GRIN2A: variants seen among roughly 807,000 people sequenced by gnomAD.
GRIN2A encodes the protein glutamate ionotropic receptor NMDA type subunit 2A.
Under a neutral mutation model 113.4 loss-of-function variants are expected in GRIN2A, and 22 were observed. That is an observed-to-expected ratio of 0.19 (90% confidence interval 0.14 to 0.28). GRIN2A has a LOEUF of 0.28. Among genes scored for constraint, GRIN2A ranks in the 10% least tolerant of loss-of-function variants. The probability of loss-of-function intolerance (pLI) is 1.00; values close to 1 mark genes in which losing one functional copy is unlikely to be tolerated. For missense variants in GRIN2A, 1,502 were observed against 1,887.0 expected (o/e 0.80, Z 3.78); for synonymous variants, 827 against 738.4 (o/e 1.12, Z -1.94).
At chr16:9,958,410 C>A (rs754846478) in intron 2 of GRIN2A, among the ~76,000 whole-genome samples, 1 of 152,026 alleles carries the variant, frequency 6.6e-6, no homozygotes, top group African/African-American at 2.4e-5. Context: ...TCATGCCCAT[C>A]AATGACCACA....
At chr16:10,100,350 A>G (rs11074573) in intron 2 of GRIN2A, among the ~76,000 whole-genome samples, 61,035 of 152,108 alleles carry the variant, frequency 0.4, 12,384 homozygotes, top group East Asian at 0.45. Flanking sequence ...ATGCTTGTGC[A>G]AAGGAGAGTA....
At chr16:10,110,320 T>C (rs74495883) in intron 2 of GRIN2A, among the ~76,000 whole-genome samples, 29,588 of 152,090 alleles carry the variant, frequency 0.19, 3,550 homozygotes, top group East Asian at 0.44. Flanking sequence ...GACTGGAGAA[T>C]AGACAAGGCT....
chr16:10,013,397 A>G (rs146604366), intron 2 of GRIN2A, among the ~76,000 whole-genome samples: 18 of 152,292 alleles, frequency 1.2e-4, no homozygotes, highest in African/African-American at 4.1e-4. Context: ...CATCATCCCA[A>G]TAAGTGAGAG....
At chr16:10,168,380 G>T (rs2049967307) in intron 2 of GRIN2A, among the ~76,000 whole-genome samples, 1 of 152,188 alleles carries the variant, frequency 6.6e-6, no homozygotes, top group Non-Finnish European at 1.5e-5. Flanking sequence ...AAAAAGTGAG[G>T]ATGTTGGTTT....
chr16:9,851,959 C>T (rs1453101092), intron 4 of GRIN2A, among the ~76,000 whole-genome samples: 2 of 152,192 alleles, frequency 1.3e-5, no homozygotes, highest in African/African-American at 2.4e-5. Context: ...TGTCACCTTA[C>T]CTGTAAAATC....
At position 9,761,051 on chromosome 16, in the gene GRIN2A, C is replaced by G; in HGVS notation, c.*2098G>C. ...AATGTCATTTTCAAGCACATGCATC[C>G]CCAGCACCTAGTCAGCCCCTTCTGC... On this transcript the variant is annotated 3_prime_UTR_variant, in exon 13 of 13. Coordinates refer to ENST00000330684, the MANE Select transcript of GRIN2A (RefSeq NM_001134407.3). The G allele has an allele frequency of 4.3e-6, 1 of 232,918 alleles. No individual in the cohort carries two copies. The highest frequency in any genetic ancestry group is 2.2e-5 in the African/African-American group (1 of 45,394). 14.4% of individuals were successfully genotyped at this position (232,918 alleles called of 1,614,324 possible).
intron 2 of GRIN2A, among the ~76,000 whole-genome samples, chr16:10,058,906 T>C (rs1298543095): frequency 6.6e-6 from 1 of 152,312 alleles, no homozygotes; most frequent in Non-Finnish European, 1.5e-5. Flanking sequence ...ATAAACAAGA[T>C]AGTTATAGGC....
intron 2 of GRIN2A, among the ~76,000 whole-genome samples, chr16:10,170,221 C>T (rs1057165738): frequency 5.9e-5 from 9 of 152,156 alleles, no homozygotes; most frequent in Non-Finnish European, 7.4e-5. Context: ...TTGCAAAAAC[C>T]ATTCCCAAGT....
chr16:10,123,599 C>T (rs968510744), intron 2 of GRIN2A, among the ~76,000 whole-genome samples: 10 of 151,802 alleles, frequency 6.6e-5, no homozygotes, highest in South Asian at 2.1e-4. Context: ...TTAACATGCA[C>T]GTGAATCGCC....
intron 11 of GRIN2A, among the ~76,000 whole-genome samples, chr16:9,776,190 C>G (rs1901590518): frequency 6.6e-6 from 1 of 151,956 alleles, no homozygotes; most frequent in African/African-American, 2.4e-5. Flanking sequence ...TGGTGTATAG[C>G]TCAGAGGTAT....
intron 11 of GRIN2A, among the ~76,000 whole-genome samples, chr16:9,792,107 G>GTGTA (rs778639676): frequency 6.6e-6 from 1 of 151,560 alleles, no homozygotes; most frequent in Non-Finnish European, 1.5e-5. Context: ...GTGTGTGTGT[G>GTGTA]TATCTTTCAA....
chr16:9,880,701 C>T (rs112264723), intron 4 of GRIN2A, among the ~76,000 whole-genome samples: 14 of 152,320 alleles, frequency 9.2e-5, no homozygotes, highest in African/African-American at 3.1e-4. Context: ...GGGCCTTGGG[C>T]ACTCTTGCCT....
At chr16:10,157,528 G>T (rs988588256) in intron 2 of GRIN2A, among the ~76,000 whole-genome samples, 1 of 152,190 alleles carries the variant, frequency 6.6e-6, no homozygotes, top group Non-Finnish European at 1.5e-5. Flanking sequence ...CTGCATGGCT[G>T]GGGAGGCCTC....
chr16:10,064,480 C>T (rs2047610530), intron 2 of GRIN2A, among the ~76,000 whole-genome samples: 1 of 152,172 alleles, frequency 6.6e-6, no homozygotes, highest in Admixed American at 6.5e-5. Flanking sequence ...AGCTTCACTC[C>T]ATGTTAACCC....
At chr16:10,099,977 A>G (rs1596504097) in intron 2 of GRIN2A, among the ~76,000 whole-genome samples, 1 of 152,230 alleles carries the variant, frequency 6.6e-6, no homozygotes, top group South Asian at 2.1e-4. Context: ...AAGTAAAGCA[A>G]CATCACAAAT....
intron 12 of GRIN2A, 103 bp from the exon 13 acceptor site, chr16:9,765,051 C>G (rs1900831619): frequency 6.7e-7 from 1 of 1,485,078 alleles, no homozygotes; most frequent in East Asian, 2.3e-5. Context: ...GCACTTCTTG[C>G]AGGAGCCCTG....
At chr16:9,882,900 A>G (rs2043511739) in intron 4 of GRIN2A, among the ~76,000 whole-genome samples, 1 of 152,230 alleles carries the variant, frequency 6.6e-6, no homozygotes, top group African/African-American at 2.4e-5. Context: ...AAGGAAGCAG[A>G]CACCTTTCTA....
chr16:9,843,734 T>C (rs572777988), intron 5 of GRIN2A, among the ~76,000 whole-genome samples: 2 of 151,542 alleles, frequency 1.3e-5, no homozygotes, highest in East Asian at 1.9e-4. Context: ...CCACCACCCT[T>C]AGTGGGGGGG....
chr16:9,975,449 T>C (rs79370403), intron 2 of GRIN2A, among the ~76,000 whole-genome samples: 2,857 of 152,284 alleles, frequency 0.019, 46 homozygotes, highest in Non-Finnish European at 0.027. Flanking sequence ...TCATTCACCA[T>C]TGCTGGAGGA....
Sources: allele counts gnomAD v4.1 joint callset (sites outside exome capture counted in the v4.1 genomes callset), GRCh38; gene constraint gnomAD v4.1.1; transcripts MANE v1.5; gene names NCBI Gene and HGNC (gene_info 2026-07-23, HGNC 2026-07-21).